Variants in PAK4 observed in about 807,000 individuals in gnomAD.
PAK4 encodes the protein p21 (RAC1) activated kinase 4.
Under a neutral mutation model 53.5 loss-of-function variants are expected in PAK4, and 49 were observed. The ratio of observed to expected loss-of-function variants is 0.92; its 90% CI spans 0.73 to 1.16. The LOEUF (loss-of-function observed/expected upper bound fraction) is 1.16. Among genes scored for constraint, PAK4 ranks in the 50% most tolerant of loss-of-function variants. The probability of loss-of-function intolerance (pLI) is 0.00; values close to 1 mark genes in which losing one functional copy is unlikely to be tolerated. For missense variants in PAK4, 824 were observed against 850.7 expected (o/e 0.97, Z 0.39); for synonymous variants, 376 against 375.6 (o/e 1.00, Z -0.01).
At position 39,142,315 on chromosome 19, in the gene PAK4, T is replaced by C. The variant is rs772597479; in HGVS notation, c.-23+16396T>C. Among the ~76,000 whole-genome samples, 108 of 152,248 alleles carry C rather than the reference T, an allele frequency of 7.1e-4. 1 individual carries two copies. Among genetic ancestry groups the C allele is most frequent in the Non-Finnish European group, 1.3e-4 (9 of 68,042 alleles). Reference sequence around the variant, plus strand: ...TTAGGACTTAGGTCTAGAAGCTCGATCTGATGCAGGTTCAGTTTCTTCTGG... The same window carrying C: ...TTAGGACTTAGGTCTAGAAGCTCGACCTGATGCAGGTTCAGTTTCTTCTGG... On this transcript the variant is annotated intron_variant, in intron 1 of 8. Coordinates refer to ENST00000358301, the Ensembl canonical transcript of PAK4.
rs1180212400 is a variant in PAK4 at position 39,173,333 on chromosome 19, C to T, written c.620C>T (p.Thr207Ile). The stretch of plus-strand genomic sequence containing the variant: ...CTGGCAGCTGGCCGGCCCTTTAACA[C>T]CTACCCGAGGGCTGACACGGACCAC... The change falls in exon 3 of 9, where the codon ACC becomes ATC. Residue 207 changes from threonine (T) to isoleucine (I), a missense_variant. Around this residue, in one of 2 missense-constraint regions of PAK4, gnomAD observed 478 missense variants for 435.8 expected, o/e 1.10. Coordinates refer to ENST00000358301, the Ensembl canonical transcript of PAK4. This position sits in a 1 kb window ranked among gnomAD's most constrained non-coding sequence, Gnocchi z 6.9. 3 of 1,579,354 alleles carry T rather than the reference C, an allele frequency of 1.9e-6. No individual in the cohort carries two copies. Among genetic ancestry groups the T allele is most frequent in the Non-Finnish European group, 2.6e-6 (3 of 1,161,786 alleles).
chr19:39,130,725 C>G (rs1203767609), intron 1 of PAK4, among the ~76,000 whole-genome samples: 1 of 151,682 alleles, frequency 6.6e-6, no homozygotes, highest in Non-Finnish European at 1.5e-5. Context: ...GGGGTGGGGT[C>G]AGAGGCTTGG....
At chr19:39,146,845 AAGAG>A (rs1407609255) in intron 1 of PAK4, among the ~76,000 whole-genome samples, 1 of 151,428 alleles carries the variant, frequency 6.6e-6, no homozygotes, top group Non-Finnish European at 1.5e-5. Flanking sequence ...TTGCAAAAGA[AAGAG>A]AGAAAGAGAG....
intron 1 of PAK4, among the ~76,000 whole-genome samples, chr19:39,149,763 T>C (rs1402161030): frequency 6.6e-6 from 1 of 151,922 alleles, no homozygotes; most frequent in East Asian, 1.9e-4. Flanking sequence ...GGCTGAGGCA[T>C]GAGAATGGCT....
intron 1 of PAK4, among the ~76,000 whole-genome samples, chr19:39,138,349 G>A (rs1439326125): frequency 1.3e-5 from 2 of 152,106 alleles, no homozygotes; most frequent in Non-Finnish European, 2.9e-5. Context: ...CACTGTAATG[G>A]GCATCCAGCC....
intron 1 of PAK4, among the ~76,000 whole-genome samples, chr19:39,162,527 C>G (rs1022543556): frequency 1.3e-5 from 2 of 152,296 alleles, no homozygotes; most frequent in African/African-American, 2.4e-5. Flanking sequence ...CTTGGCCTCC[C>G]AAAGTGCTGG....
intron 1 of PAK4, among the ~76,000 whole-genome samples, chr19:39,164,863 G>T (rs752637001): frequency 1.3e-5 from 2 of 152,174 alleles, no homozygotes; most frequent in Non-Finnish European, 2.9e-5. Flanking sequence ...TGGGCCATGG[G>T]TCCCTTGTGG....
At chr19:39,172,939 G>A (rs1425740844) in exon 3 of PAK4, 4 of 1,540,580 alleles carry the variant, frequency 2.6e-6, no homozygotes, top group Admixed American at 2.0e-5. Context: ...GGGCAGCAAA[G>A]GTGCCAAAGA....
At chr19:39,149,672 C>T (rs1347725842) in intron 1 of PAK4, among the ~76,000 whole-genome samples, 2 of 152,052 alleles carry the variant, frequency 1.3e-5, no homozygotes, top group East Asian at 1.9e-4. Context: ...CTGGCTAACA[C>T]GATGAAACCC....
chr19:39,143,592 C>CAAAAAAAAAAAAA lies in PAK4; in HGVS notation c.-23+17692_-23+17704dup, dbSNP rs544304301. On this transcript the variant is annotated intron_variant, in intron 1 of 8. Transcript: ENST00000358301. ...TGGGTGACAGAGCAAGACTCTGTCT[C>CAAAAAAAAAAAAA]AAAAAAAAAAAAAAAAAAAAAAAAA... Among the ~76,000 whole-genome samples, 23 of 20,444 alleles carry CAAAAAAAAAAAAA rather than the reference C, an allele frequency of 1.1e-3. 2 individuals carry two copies. Among genetic ancestry groups the CAAAAAAAAAAAAA allele is most frequent in the Admixed American group, 2.1e-3 (2 of 972 alleles). 13.4% of individuals were successfully genotyped at this position (20,444 alleles called of 152,430 possible). A position where few individuals can be genotyped will look rare whatever the true frequency, so the allele number is the denominator to read the frequency against.
intron 1 of PAK4, among the ~76,000 whole-genome samples, chr19:39,144,835 G>GA (rs2073973981): frequency 6.6e-6 from 1 of 152,120 alleles, no homozygotes; most frequent in African/African-American, 2.4e-5. Context: ...AAGAAATGAG[G>GA]AGAGACTGCA....
At chr19:39,154,438 G>T (rs1466614656) in intron 1 of PAK4, among the ~76,000 whole-genome samples, 2 of 152,182 alleles carry the variant, frequency 1.3e-5, no homozygotes, top group Non-Finnish European at 2.9e-5. Context: ...GAAAGGAAAA[G>T]AAAAAACCTG....
intron 1 of PAK4, among the ~76,000 whole-genome samples, chr19:39,150,661 G>A (rs1023593480): frequency 6.6e-6 from 1 of 152,046 alleles, no homozygotes; most frequent in Admixed American, 6.5e-5. Context: ...AGGCCGAGGT[G>A]GGCAGATGGC....
intron 1 of PAK4, among the ~76,000 whole-genome samples, chr19:39,165,195 G>GATGATAATA (rs1364745681): frequency 1.9e-4 from 24 of 128,438 alleles, no homozygotes; most frequent in African/African-American, 6.8e-4. Flanking sequence ...TGATGATGAT[G>GATGATAATA]ATAATAATAA....
intron 2 of PAK4, among the ~76,000 whole-genome samples, chr19:39,170,699 G>T (rs1190475548): frequency 6.6e-6 from 1 of 152,266 alleles, no homozygotes; most frequent in East Asian, 1.9e-4. Context: ...GCCTGGCGGG[G>T]AGAAGCCCCA....
rs1206756383 is a variant in PAK4, at chr19:39,175,203, G to A, written c.1233-109G>A. On this transcript the variant is annotated intron_variant, in intron 5 of 8. Coordinates refer to ENST00000358301, the Ensembl canonical transcript of PAK4. The surrounding 1 kb of genome is among the most constrained non-coding windows in gnomAD (Gnocchi z 4.7). ...TGTCTTCCATTCCTCCCACTCCAGA[G>A]TGGGGTCGAGTGGTCTCAGATTCCT... 6.8e-7 allele frequency: 1 copy of A among 1,468,124 alleles called. No individual in the cohort carries two copies. Among genetic ancestry groups the A allele is most frequent in the Non-Finnish European group, 9.2e-7 (1 of 1,081,374 alleles). 90.9% of individuals were successfully genotyped at this position (1,468,124 alleles called of 1,614,324 possible). A position where few individuals can be genotyped will look rare whatever the true frequency, so the allele number is the denominator to read the frequency against.
chr19:39,146,860 A>G, intron 1 of PAK4, among the ~76,000 whole-genome samples: 1 of 147,058 alleles, frequency 6.8e-6, no homozygotes, highest in East Asian at 2.2e-4. Flanking sequence ...AGAAAGAGAG[A>G]GAGGGAGAAA....
chr19:39,155,237 C>T (rs2074158984), intron 1 of PAK4, among the ~76,000 whole-genome samples: 1 of 152,144 alleles, frequency 6.6e-6, no homozygotes, highest in African/African-American at 2.4e-5. Flanking sequence ...GTGTCAACTC[C>T]CGTGGGCAGG....
At chr19:39,142,052 G>A (rs767346725) in intron 1 of PAK4, among the ~76,000 whole-genome samples, 4 of 152,078 alleles carry the variant, frequency 2.6e-5, no homozygotes, top group Non-Finnish European at 4.4e-5. Context: ...CAGAGCTCAC[G>A]TGCAGCCTTG....
Sources: gnomAD v4.1 joint callset for allele counts (sites outside exome capture counted in the v4.1 genomes callset) on GRCh38, gnomAD v4.1.1 for gene constraint, gnomAD v4.1.1 regional missense constraint, Gnocchi (gnomAD v3.1) non-coding constraint, MANE v1.5 for transcripts, NCBI Gene and HGNC (gene_info 2026-07-23, HGNC 2026-07-21) for gene names.